The following IL4R variants were observed in gnomAD, a reference collection of about 807,000 sequenced individuals.
The protein encoded by IL4R is interleukin-4 receptor subunit alpha.
Under a neutral mutation model 41.5 loss-of-function variants are expected in IL4R, and 17 were observed. That is an observed-to-expected ratio of 0.41 (90% CI 0.28 to 0.61). IL4R has a LOEUF of 0.61. Among genes scored for constraint, IL4R ranks in the 20% least tolerant of loss-of-function variants. The pLI, the probability that IL4R is intolerant of heterozygous loss-of-function variation, is 0.31. For synonymous variants in IL4R, 402 were observed against 422.9 expected (o/e 0.95, Z 0.61); for missense variants, 974 against 1,043.1 (o/e 0.93, Z 0.91).
Position 27,362,502 on chromosome 16 carries a change from T to C in IL4R, c.1150T>C (p.Phe384Leu). ...EEEVEEEKGS[F>L]CASPESSRDD... The stretch of plus-strand genomic sequence containing the variant: ...GGAGGTAGAGGAAGAAAAAGGGAGC[T>C]TCTGTGCATCGCCTGAGAGCAGCAG... The change falls in exon 11 of 11, where the codon TTC becomes CTC. Residue 384 changes from phenylalanine (F) to leucine (L), a missense_variant. Physicochemically the swap from Phe to Leu is conservative, Grantham distance 22. Around this residue, in one of 3 missense-constraint regions of IL4R, gnomAD observed 682 missense variants for 704.3 expected, o/e 0.97. Transcript: ENST00000395762. The C allele has an allele frequency of 6.2e-7, 1 of 1,613,984 alleles. No individual in the cohort carries two copies. The highest frequency in any genetic ancestry group is 8.5e-7 in the Non-Finnish European group (1 of 1,179,982).
In IL4R at chr16:27,363,849, C is replaced by G. The variant is rs1180405491; in HGVS notation, c.*19C>G. 1 of 1,589,646 alleles carries G rather than the reference C, an allele frequency of 6.3e-7. No homozygotes were observed. The highest frequency in any genetic ancestry group is 2.2e-5 in the East Asian group (1 of 44,816). ...CTCTTAGGTGCATGTCCTCTTGTTG[C>G]TGAGTCTGCAGATGAGGACTAGGGC... On this transcript the variant is annotated 3_prime_UTR_variant, in exon 11 of 11. Coordinates refer to ENST00000395762, the MANE Select transcript of IL4R (RefSeq NM_000418.4).
rs373963941 is a variant in IL4R at position 27,342,096 on chromosome 16, T to C, written c.71-25T>C. The stretch of plus-strand genomic sequence containing the variant: ...CTCACGCATTGAGTTCCTGGGCCGC[T>C]CAGGCTGCTCCTGTGTCTCCCCAGG... On this transcript the variant is annotated intron_variant, in intron 3 of 10. Coordinates refer to ENST00000395762, the MANE Select transcript of IL4R (RefSeq NM_000418.4). 3.1e-6 allele frequency: 5 copies of C among 1,612,382 alleles called. No homozygotes were observed. The African/African-American group carries it at 6.7e-5, about 22-fold the overall frequency.
chr16:27,319,540 A>G (rs1329474467), intron 1 of IL4R, among the ~76,000 whole-genome samples: 1 of 152,222 alleles, frequency 6.6e-6, no homozygotes, highest in Non-Finnish European at 1.5e-5. Flanking sequence ...CCTGCCATCC[A>G]TCTGCCCAGA....
Position 27,358,903 on chromosome 16 carries a change from T to C in IL4R, c.771-13T>C. ...TAATTCAGAGATCAACACCTTTTCCTTTTGTTTTTCAGGATTAAGAAAGAA... is the reference window on the plus strand; with the variant it reads ...TAATTCAGAGATCAACACCTTTTCCCTTTGTTTTTCAGGATTAAGAAAGAA... On this transcript the variant is annotated splice_polypyrimidine_tract_variant and intron_variant, in intron 8 of 10. Transcript: ENST00000395762. The C allele has an allele frequency of 6.2e-7, 1 of 1,609,362 alleles. No homozygotes were observed. Among genetic ancestry groups the C allele is most frequent in the Non-Finnish European group, 8.5e-7 (1 of 1,175,700 alleles).
intron 1 of IL4R, among the ~76,000 whole-genome samples, chr16:27,319,196 G>C (rs796463375): frequency 6.6e-6 from 1 of 152,240 alleles, no homozygotes; most frequent in African/African-American, 2.4e-5. Context: ...GGTGTGGTTG[G>C]ATGGAACCAA....
intron 7 of IL4R, 129 bp from the exon 8 acceptor site, chr16:27,355,679 G>T: frequency 1.6e-6 from 1 of 622,702 alleles, no homozygotes; most frequent in Non-Finnish European, 2.9e-6. Context: ...TGAGGTGGAG[G>T]GGTGGTCGGC....
intron 6 of IL4R, among the ~76,000 whole-genome samples, chr16:27,350,456 C>T (rs1449095108): frequency 2.0e-5 from 3 of 152,082 alleles, no homozygotes; most frequent in African/African-American, 7.2e-5. Context: ...TTGCTTCTTT[C>T]TTGTGAAAAA....
intron 1 of IL4R, among the ~76,000 whole-genome samples, chr16:27,324,273 G>A (rs568008011): frequency 4.2e-5 from 5 of 119,376 alleles, no homozygotes; most frequent in East Asian, 2.3e-4. Flanking sequence ...TCAGGGCCCC[G>A]AGGTGGCTGA....
At chr16:27,354,417 C>G (rs1410973856) in intron 7 of IL4R, among the ~76,000 whole-genome samples, 1 of 152,214 alleles carries the variant, frequency 6.6e-6, no homozygotes, top group African/African-American at 2.4e-5. Flanking sequence ...GTACCTTGTG[C>G]ATCTCTTTTT....
chr16:27,331,331 G>A lies in IL4R; in HGVS notation c.-19+1133G>A, dbSNP rs571817672. On this transcript the variant is annotated intron_variant, in intron 2 of 10. Transcript: ENST00000395762. ...ACCAAAGCTTTGGAGCTTGAGTGCT[G>A]GATTTAAGACCCATGACTGTCACAG... is the stretch of plus-strand genomic sequence containing the variant. 2.0e-5 allele frequency among the ~76,000 whole-genome samples: 3 copies of A among 152,216 alleles called. No individual in the cohort carries two copies. The East Asian group carries it at 5.8e-4, about 29-fold the overall frequency.
chr16:27,321,967 A>G (rs1442679275), intron 1 of IL4R, among the ~76,000 whole-genome samples: 2 of 152,094 alleles, frequency 1.3e-5, no homozygotes, highest in Non-Finnish European at 2.9e-5. Flanking sequence ...TGAGATCTTT[A>G]TAGGATTTTC....
At chr16:27,356,058 C>T in intron 8 of IL4R, 151 bp downstream of exon 8, 2 of 511,634 alleles carry the variant, frequency 3.9e-6, no homozygotes, top group South Asian at 2.5e-5. Context: ...GAGCTGAGAA[C>T]ATATCGACAA....
In IL4R at chr16:27,314,617, C is replaced by T. The variant is rs569040052; in HGVS notation, c.-152+597C>T. ...ATTGTACAGATGAGGTCACCAAGAC[C>T]CCAGCCGCTTTAGTAACTTGCCCTA... On this transcript the variant is annotated intron_variant, in intron 1 of 10. Coordinates refer to ENST00000395762, the MANE Select transcript of IL4R (RefSeq NM_000418.4). 4.6e-5 allele frequency among the ~76,000 whole-genome samples: 7 copies of T among 152,282 alleles called. No individual in the cohort carries two copies. In the East Asian group the frequency reaches 1.2e-3, roughly 25 times the overall value.
intron 1 of IL4R, among the ~76,000 whole-genome samples, chr16:27,315,143 TGCCCCCAGTA>T: frequency 6.6e-6 from 1 of 152,294 alleles, no homozygotes; most frequent in East Asian, 1.9e-4. Context: ...TGCACTTCCC[TGCCCCCAGTA>T]GCCTATGAGG....
intron 1 of IL4R, among the ~76,000 whole-genome samples, chr16:27,323,607 T>C (rs1036897974): frequency 6.6e-6 from 1 of 152,106 alleles, no homozygotes; most frequent in Admixed American, 6.5e-5. Context: ...GTATCTGCAA[T>C]GCTCCTTGGA....
chr16:27,346,783 C>G (rs1302271571), intron 6 of IL4R, among the ~76,000 whole-genome samples, 165 bp downstream of exon 6: 1 of 152,186 alleles, frequency 6.6e-6, no homozygotes, highest in Non-Finnish European at 1.5e-5. Flanking sequence ...CTGCACTAGG[C>G]AAGTCCCTTT....
In IL4R at chr16:27,345,928, T is replaced by A. The variant is rs1398570637; in HGVS notation, c.362-539T>A. ...AGGAGGTTGCAGTGAGCTTAGATCATGCTACTGCCCTCCAGCCTGGGCGAC... is the reference window on the plus strand; with the variant it reads ...AGGAGGTTGCAGTGAGCTTAGATCAAGCTACTGCCCTCCAGCCTGGGCGAC... On this transcript the variant is annotated intron_variant, in intron 5 of 10. Coordinates refer to ENST00000395762, the MANE Select transcript of IL4R (RefSeq NM_000418.4). The surrounding 1 kb of genome is among the most constrained non-coding windows in gnomAD (Gnocchi z 4.5). Among the ~76,000 whole-genome samples the A allele has an allele frequency of 3.3e-5, 5 of 152,206 alleles. No homozygotes were observed. In the East Asian group the frequency reaches 9.6e-4, roughly 29 times the overall value.
At chr16:27,317,186 G>A (rs1041325832) in intron 1 of IL4R, among the ~76,000 whole-genome samples, 3 of 152,144 alleles carry the variant, frequency 2.0e-5, no homozygotes, top group African/African-American at 7.2e-5. Flanking sequence ...TTATAGATGC[G>A]AGCAAACGTG....
intron 2 of IL4R, among the ~76,000 whole-genome samples, chr16:27,335,062 C>T (rs955348093): frequency 1.1e-4 from 17 of 152,046 alleles, no homozygotes; most frequent in Non-Finnish European, 2.2e-4. Context: ...GCGGCCAGTT[C>T]TTGTATATAG....
Sources: gnomAD v4.1 joint callset for allele counts (sites outside exome capture counted in the v4.1 genomes callset) on GRCh38, gnomAD v4.1.1 for gene constraint, gnomAD v4.1.1 regional missense constraint, Gnocchi (gnomAD v3.1) non-coding constraint, MANE v1.5 for transcripts, NCBI Gene and HGNC (gene_info 2026-07-23, HGNC 2026-07-21) for gene names.